The following LNX2 variants were observed in gnomAD, a reference collection of about 807,000 sequenced individuals.
LNX2 encodes the protein ligand of numb-protein X 2.
A neutral mutation model predicts 66.2 loss-of-function variants in LNX2; 35 were observed. The observed-to-expected ratio is 0.53, with a 90% CI of 0.40 to 0.70. The LOEUF is 0.70. Ranked by LOEUF, LNX2 falls within the 30% of genes least tolerant of loss-of-function variation. The probability of loss-of-function intolerance (pLI) is 0.00; values close to 1 mark genes in which losing one functional copy is unlikely to be tolerated. For synonymous variants in LNX2, 337 were observed against 315.6 expected, an observed-to-expected ratio of 1.07 and a Z score of -0.72; for missense variants, 791 against 850.8, an observed-to-expected ratio of 0.93 and a Z score of 0.87.
chr13:27,605,936 T>C (rs186563701), intron 1 of LNX2, among the ~76,000 whole-genome samples: 6 of 152,210 alleles, frequency 3.9e-5, no homozygotes, highest in South Asian at 2.1e-4. Flanking sequence ...AGATCTAACA[T>C]CATATTCTAA....
intron 1 of LNX2, among the ~76,000 whole-genome samples, chr13:27,617,414 C>T (rs749826238): frequency 2.6e-5 from 4 of 152,034 alleles, no homozygotes; most frequent in African/African-American, 4.8e-5. Flanking sequence ...GAACTCTAGC[C>T]CTGTAAGCAG....
intron 2 of LNX2, among the ~76,000 whole-genome samples, chr13:27,579,492 A>G (rs1020271527): frequency 1.3e-5 from 2 of 152,198 alleles, no homozygotes; most frequent in Non-Finnish European, 2.9e-5. Flanking sequence ...CTTCAACTGG[A>G]TAAGCCTTTA....
In LNX2 at chr13:27,605,705, C is replaced by T. The variant is rs1955707239; in HGVS notation, c.-101+14670G>A. On this transcript the variant is annotated intron_variant, in intron 1 of 9. Coordinates refer to ENST00000316334, the MANE Select transcript of LNX2 (RefSeq NM_153371.4). ...TATCGACCTTACAGGGTTACTATGACAATTAACTACTGAATGAAACTTAAA... is the reference window on the plus strand; with the variant it reads ...TATCGACCTTACAGGGTTACTATGATAATTAACTACTGAATGAAACTTAAA... 2.0e-5 allele frequency among the ~76,000 whole-genome samples: 3 copies of T among 152,106 alleles called. 1 individual carries two copies. The South Asian group carries it at 6.2e-4, about 32-fold the overall frequency.
chr13:27,550,895 T>C (rs973703524), intron 8 of LNX2, among the ~76,000 whole-genome samples: 4 of 152,148 alleles, frequency 2.6e-5, no homozygotes, highest in Non-Finnish European at 5.9e-5. Flanking sequence ...GGTCTAGTAC[T>C]GCCAAGCCCA....
At chr13:27,595,823 C>T (rs952320276) in intron 1 of LNX2, among the ~76,000 whole-genome samples, 2 of 152,200 alleles carry the variant, frequency 1.3e-5, no homozygotes, top group African/African-American at 4.8e-5. Flanking sequence ...CTGCCACCTC[C>T]CCTAATGGTA....
intron 1 of LNX2, among the ~76,000 whole-genome samples, chr13:27,619,222 T>C (rs1955863247): frequency 6.6e-6 from 1 of 152,168 alleles, no homozygotes; most frequent in South Asian, 2.1e-4. Flanking sequence ...TCGGACAAGC[T>C]AAAAAGCCAA....
At chr13:27,604,580 T>C (rs924439009) in intron 1 of LNX2, among the ~76,000 whole-genome samples, 1 of 152,162 alleles carries the variant, frequency 6.6e-6, no homozygotes, top group South Asian at 2.1e-4. Context: ...ATATATATGG[T>C]AGAAGAGATT....
In LNX2 at chr13:27,553,247, C is replaced by T; in HGVS notation, c.1739G>A (p.Ser580Asn). Residue 580 changes from serine (S) to asparagine (N), a missense_variant, in exon 8 of 10, where the codon AGT (serine) becomes AAT (asparagine). Transcript: ENST00000316334. ...STFSENEYDA[S>N]WSPSWVMWLG... is the part of the protein sequence containing the mutation. ...CCACATGACCCATGATGGGGACCAA[C>T]TGGCATCATACTCATTTTCGCTGAA... is the stretch of plus-strand genomic sequence containing the variant. 6.2e-7 allele frequency: 1 copy of T among 1,614,132 alleles called. No individual in the cohort carries two copies. Among genetic ancestry groups the T allele is most frequent in the South Asian group, 1.1e-5 (1 of 91,088 alleles).
chr13:27,556,601 T>C (rs1955064236), intron 6 of LNX2, among the ~76,000 whole-genome samples, 188 bp from the exon 7 acceptor site: 1 of 152,246 alleles, frequency 6.6e-6, no homozygotes, highest in South Asian at 2.1e-4. Flanking sequence ...AATTTTGGAC[T>C]ATGTTATTTT....
At chr13:27,549,593 A>T (rs1340998391) in intron 9 of LNX2, among the ~76,000 whole-genome samples, 1 of 152,196 alleles carries the variant, frequency 6.6e-6, no homozygotes, top group African/African-American at 2.4e-5. Context: ...AACCTTTCCA[A>T]GCCTCAGTTA....
At chr13:27,596,265 T>G (rs1593259761) in intron 1 of LNX2, among the ~76,000 whole-genome samples, 1 of 152,288 alleles carries the variant, frequency 6.6e-6, no homozygotes, top group South Asian at 2.1e-4. Flanking sequence ...ATTTTGTCAT[T>G]TACTACCATA....
intron 1 of LNX2, among the ~76,000 whole-genome samples, chr13:27,582,706 A>G (rs1021679062): frequency 2.0e-5 from 3 of 152,138 alleles, no homozygotes; most frequent in African/African-American, 7.2e-5. Context: ...AGAAATGGAC[A>G]CAGGGAGGGG....
intron 2 of LNX2, among the ~76,000 whole-genome samples, chr13:27,580,166 T>C (rs1398189666): frequency 1.3e-5 from 2 of 152,108 alleles, no homozygotes; most frequent in African/African-American, 4.8e-5. Context: ...TTTTGCTACA[T>C]AGCAGCAGAG....
chr13:27,583,458 A>G (rs1955446496), intron 1 of LNX2, among the ~76,000 whole-genome samples: 1 of 152,024 alleles, frequency 6.6e-6, no homozygotes, highest in Non-Finnish European at 1.5e-5. Flanking sequence ...GGGTTTCACC[A>G]TATTGGCCAG....
At chr13:27,570,809 T>A (rs771882842) in intron 2 of LNX2, among the ~76,000 whole-genome samples, 10 of 152,076 alleles carry the variant, frequency 6.6e-5, no homozygotes, top group Non-Finnish European at 1.3e-4. Flanking sequence ...TAGTGTTCAA[T>A]GGAAAAAATG....
intron 1 of LNX2, among the ~76,000 whole-genome samples, chr13:27,612,765 A>AT (rs1345486471): frequency 1.3e-5 from 2 of 152,112 alleles, no homozygotes; most frequent in East Asian, 1.9e-4. Context: ...CACCCAGCTG[A>AT]TTTTTTATAG....
Position 27,589,848 on chromosome 13 carries a change from C to T in LNX2, c.-100-8045G>A, listed in dbSNP as rs553950742. 6.1e-4 allele frequency among the ~76,000 whole-genome samples: 93 copies of T among 152,290 alleles called. 1 individual carries two copies. Among genetic ancestry groups the T allele is most frequent in the Admixed American group, 4.6e-4 (7 of 15,302 alleles). On this transcript the variant is annotated intron_variant, in intron 1 of 9. Coordinates refer to ENST00000316334, the MANE Select transcript of LNX2 (RefSeq NM_153371.4). ...CTAGGTGAACCTCTGCCAATAAGAC[C>T]GCTGTGGAAAGAACTTTGCTCCAAC... is the stretch of plus-strand genomic sequence containing the variant.
rs1202215685 is a variant in LNX2 at position 27,548,041 on chromosome 13, G to T, written c.*294C>A. On this transcript the variant is annotated 3_prime_UTR_variant, in exon 10 of 10. Transcript: ENST00000316334. Reference sequence around the variant, plus strand: ...CCAGAAGGTCTTTACTCCATCTGGGGCACAGTTTGGGTGAGCTTTGCTCAT... The same window carrying T: ...CCAGAAGGTCTTTACTCCATCTGGGTCACAGTTTGGGTGAGCTTTGCTCAT... 8.9e-6 allele frequency: 3 copies of T among 338,388 alleles called. No individual in the cohort carries two copies. The highest frequency in any genetic ancestry group is 1.6e-5 in the Non-Finnish European group (3 of 184,002). 21.0% of individuals were successfully genotyped at this position (338,388 alleles called of 1,614,324 possible).
chr13:27,604,845 T>C (rs948623329), intron 1 of LNX2, among the ~76,000 whole-genome samples: 5 of 147,358 alleles, frequency 3.4e-5, no homozygotes, highest in Admixed American at 3.4e-4. Context: ...TATTAAGTTA[T>C]TTCTATTTAA....
Sources: gnomAD v4.1 joint callset for allele counts (sites outside exome capture counted in the v4.1 genomes callset) on GRCh38, gnomAD v4.1.1 for gene constraint, MANE v1.5 for transcripts, NCBI Gene and HGNC (gene_info 2026-07-23, HGNC 2026-07-21) for gene names.